The following SDCCAG8 variants were observed in gnomAD, a reference collection of about 807,000 sequenced individuals.
SDCCAG8 encodes the protein SHH signaling and ciliogenesis regulator SDCCAG8, also known as serologically defined colon cancer antigen 8.
Under a neutral mutation model 101.8 loss-of-function variants are expected in SDCCAG8, and 74 were observed. That is an observed-to-expected ratio of 0.73 (90% CI 0.60 to 0.88). The LOEUF (loss-of-function observed/expected upper bound fraction) is 0.88, where lower values mean the gene tolerates loss of function less well. Ranked by LOEUF, SDCCAG8 falls within the 40% of genes least tolerant of loss-of-function variation. The pLI is 0.00. For missense variants in SDCCAG8, 787 were observed against 822.6 expected (o/e 0.96, Z 0.53); for synonymous variants, 281 against 292.9 (o/e 0.96, Z 0.41).
chr1:243,392,858 A>C (rs1286461978), intron 13 of SDCCAG8, among the ~76,000 whole-genome samples: 1 of 152,228 alleles, frequency 6.6e-6, no homozygotes, highest in Non-Finnish European at 1.5e-5. Flanking sequence ...ACAAAGGCTG[A>C]GGGATGCCAG....
intron 13 of SDCCAG8, 89 bp from the exon 14 acceptor site, chr1:243,415,613 G>C: frequency 1.3e-6 from 2 of 1,561,024 alleles, no homozygotes; most frequent in South Asian, 1.1e-5. Flanking sequence ...AATTTACTAC[G>C]TATCAGCTCT....
rs147693858 is a variant in SDCCAG8, at chr1:243,401,314, C to T, written c.1617-14388C>T. ...GGTGCAGAAAATGTTTGGGAATAAGCGAAAACTACAAAGGCAACAGATTAA... is the reference window on the plus strand; with the variant it reads ...GGTGCAGAAAATGTTTGGGAATAAGTGAAAACTACAAAGGCAACAGATTAA... On this transcript the variant is annotated intron_variant, in intron 13 of 17. Transcript: ENST00000366541. Among the ~76,000 whole-genome samples the T allele has an allele frequency of 3.5e-3, 535 of 152,246 alleles. 1 individual carries two copies. Among genetic ancestry groups the T allele is most frequent in the African/African-American group, 0.012 (513 of 41,548 alleles).
At chr1:243,390,536 A>G (rs1028116395) in intron 13 of SDCCAG8, among the ~76,000 whole-genome samples, 2 of 152,216 alleles carry the variant, frequency 1.3e-5, no homozygotes, top group African/African-American at 2.4e-5. Flanking sequence ...AGGCAGTGCC[A>G]GGAAATGTGT....
chr1:243,371,921 A>T (rs1435554877), intron 12 of SDCCAG8, among the ~76,000 whole-genome samples: 1 of 152,132 alleles, frequency 6.6e-6, no homozygotes, highest in African/African-American at 2.4e-5. Context: ...TAAATTCTTT[A>T]TTTTAATTAG....
chr1:243,488,976 G>A, intron 16 of SDCCAG8, 38 bp from the exon 17 acceptor site: 2 of 1,612,958 alleles, frequency 1.2e-6, no homozygotes, highest in Non-Finnish European at 1.7e-6. Context: ...AAAGGCTGAC[G>A]TTATCCCTCT....
intron 12 of SDCCAG8, among the ~76,000 whole-genome samples, chr1:243,369,421 C>CT (rs2077166470): frequency 6.6e-6 from 1 of 152,164 alleles, no homozygotes; most frequent in African/African-American, 2.4e-5. Context: ...AAGGCATTCA[C>CT]TCATTGAGTT....
intron 1 of SDCCAG8, among the ~76,000 whole-genome samples, chr1:243,262,604 G>A (rs2149251056): frequency 6.6e-6 from 1 of 152,326 alleles, no homozygotes; most frequent in East Asian, 1.9e-4. Context: ...GTATGTTTCA[G>A]TGTTAGGAGA....
At chr1:243,429,946 G>A (rs1030286679) in intron 16 of SDCCAG8, among the ~76,000 whole-genome samples, 23 of 151,976 alleles carry the variant, frequency 1.5e-4, no homozygotes, top group African/African-American at 5.3e-4. Flanking sequence ...GAGGTGATCC[G>A]CCTACCTCGG....
chr1:243,330,566 G>A lies in SDCCAG8; in HGVS notation c.1095G>A (p.Arg365=). The A allele has an allele frequency of 5.0e-6, 8 of 1,614,062 alleles. No homozygotes were observed. The highest frequency in any genetic ancestry group is 6.8e-6 in the Non-Finnish European group (8 of 1,180,006). Residue 365 remains arginine (R), a synonymous_variant, in exon 10 of 18, where the codon AGG becomes AGA. Transcript: ENST00000366541. ...CTTTAATCCAGTGTGACCAGTTGAG[G>A]AAGGAGCTGGAGAGGCAGGCGGAGC... ...TKALIQCDQL[R]KELERQAERL... is the part of the protein sequence containing the mutation.
intron 16 of SDCCAG8, among the ~76,000 whole-genome samples, chr1:243,477,477 A>G (rs1344257693): frequency 6.6e-6 from 1 of 152,244 alleles, no homozygotes. Flanking sequence ...TCATGGTGTC[A>G]GGATCCTTTA....
chr1:243,378,663 T>C, intron 12 of SDCCAG8, 58 bp from the exon 13 acceptor site: 6 of 1,568,196 alleles, frequency 3.8e-6, no homozygotes, highest in African/African-American at 1.4e-5. Flanking sequence ...ATGAGCTAAT[T>C]TTGAATTCAA....
chr1:243,399,294 T>G (rs1558412999), intron 13 of SDCCAG8, among the ~76,000 whole-genome samples: 1 of 152,138 alleles, frequency 6.6e-6, no homozygotes, highest in Non-Finnish European at 1.5e-5. Context: ...ATTATACTTC[T>G]TTGTTCTCAT....
chr1:243,432,727 C>T (rs2081878159), intron 16 of SDCCAG8, among the ~76,000 whole-genome samples: 1 of 151,846 alleles, frequency 6.6e-6, no homozygotes, highest in South Asian at 2.1e-4. Flanking sequence ...GCCAATGGTG[C>T]CTTTTTCTTT....
At chr1:243,307,406 G>A in intron 7 of SDCCAG8, 1 of 983,248 alleles carries the variant, frequency 1.0e-6, no homozygotes, top group Non-Finnish European at 1.2e-6. Flanking sequence ...TTTTGAAACA[G>A]ATCTTTGTAG....
chr1:243,265,893 T>C (rs2067548369), intron 1 of SDCCAG8, among the ~76,000 whole-genome samples: 1 of 152,166 alleles, frequency 6.6e-6, no homozygotes, highest in African/African-American at 2.4e-5. Context: ...ATGCAAATTC[T>C]TTCCATATTT....
At chr1:243,488,930 G>C (rs1665694257) in intron 16 of SDCCAG8, 84 bp from the exon 17 acceptor site, 2 of 1,603,028 alleles carry the variant, frequency 1.2e-6, no homozygotes, top group Admixed American at 1.7e-5. Context: ...CCTATCAGGG[G>C]CTTCCCTCAG....
chr1:243,406,227 G>A (rs1055378504), intron 13 of SDCCAG8, among the ~76,000 whole-genome samples: 2 of 152,152 alleles, frequency 1.3e-5, no homozygotes, highest in African/African-American at 2.4e-5. Context: ...ATTTATTTTA[G>A]GTAATAGCAT....
chr1:243,329,137 A>G (rs2074411559), intron 9 of SDCCAG8, among the ~76,000 whole-genome samples: 1 of 152,200 alleles, frequency 6.6e-6, no homozygotes, highest in South Asian at 2.1e-4. Context: ...TAGAAAAAGT[A>G]TGCCTTTTCA....
intron 9 of SDCCAG8, chr1:243,318,018 A>G (rs1240460269): frequency 4.4e-6 from 2 of 456,586 alleles, no homozygotes; most frequent in Non-Finnish European, 8.8e-6. Flanking sequence ...AGACACATGC[A>G]TGTGAATTGT....
Sources: allele counts gnomAD v4.1 joint callset (sites outside exome capture counted in the v4.1 genomes callset), GRCh38; gene constraint gnomAD v4.1.1; transcripts MANE v1.5; gene names NCBI Gene and HGNC (gene_info 2026-07-23, HGNC 2026-07-21).